The following PRLR variants were observed in gnomAD, a reference collection of about 807,000 sequenced individuals.
PRLR encodes prolactin receptor, also known as hPRL receptor.
A neutral mutation model predicts 40.2 loss-of-function variants in PRLR; 13 were observed. That is an observed-to-expected ratio of 0.32 (90% CI 0.21 to 0.51). The LOEUF is 0.51. PRLR is among the 20% of genes least tolerant of loss of function. The probability of loss-of-function intolerance (pLI) is 0.97; values close to 1 mark genes in which losing one functional copy is unlikely to be tolerated. For synonymous variants in PRLR, 269 were observed against 278.7 expected, an observed-to-expected ratio of 0.97 and a Z score of 0.35; for missense variants, 656 against 747.3, an observed-to-expected ratio of 0.88 and a Z score of 1.42.
At chr5:35,229,072 G>C (rs200890195) in intron 1 of PRLR, among the ~76,000 whole-genome samples, 1 of 150,200 alleles carries the variant, frequency 6.7e-6, no homozygotes, top group East Asian at 1.9e-4. Context: ...CTCCTCTCTT[G>C]CACTATTCAG....
intron 1 of PRLR, among the ~76,000 whole-genome samples, chr5:35,184,482 A>T (rs917366952): frequency 2.6e-5 from 4 of 152,212 alleles, no homozygotes; most frequent in Non-Finnish European, 5.9e-5. Context: ...GAGCCACTGC[A>T]CTCCAGCCTA....
At chr5:35,135,380 C>A (rs747363303) in intron 1 of PRLR, 1 of 152,260 alleles carries the variant, frequency 6.6e-6, no homozygotes, top group Non-Finnish European at 1.5e-5. Flanking sequence ...TCAGCGTGTA[C>A]GCGTTGGCTT....
chr5:35,062,940 T>C lies in PRLR; in HGVS notation c.*2149A>G, dbSNP rs941338860. 27 of 152,244 alleles carry C rather than the reference T, an allele frequency of 1.8e-4. No homozygotes were observed. Among genetic ancestry groups the C allele is most frequent in the African/African-American group, 6.3e-4 (26 of 41,462 alleles). 9.4% of individuals were successfully genotyped at this position (152,244 alleles called of 1,614,324 possible). ...TGATCTGTCCTTTCCAAAAGAGGATTGTTACTATGAACTAAAATAACCTTT... is the reference window on the plus strand; with the variant it reads ...TGATCTGTCCTTTCCAAAAGAGGATCGTTACTATGAACTAAAATAACCTTT... On this transcript the variant is annotated 3_prime_UTR_variant, in exon 10 of 10. Coordinates refer to ENST00000618457, the MANE Select transcript of PRLR (RefSeq NM_000949.7).
At chr5:35,109,503 A>C (rs1022795891) in intron 2 of PRLR, among the ~76,000 whole-genome samples, 1 of 152,148 alleles carries the variant, frequency 6.6e-6, no homozygotes, top group Non-Finnish European at 1.5e-5. Context: ...TCTACAAAGA[A>C]CTTACAAATT....
intron 1 of PRLR, among the ~76,000 whole-genome samples, chr5:35,174,849 G>T (rs1260036689): frequency 6.6e-6 from 1 of 152,174 alleles, no homozygotes; most frequent in African/African-American, 2.4e-5. Flanking sequence ...GTACCACAAA[G>T]CCTGTGAGAC....
At chr5:35,094,007 A>G (rs1771379684) in intron 2 of PRLR, among the ~76,000 whole-genome samples, 1 of 152,246 alleles carries the variant, frequency 6.6e-6, no homozygotes, top group Non-Finnish European at 1.5e-5. Flanking sequence ...TGGTACAACA[A>G]TGAAATCTCT....
At chr5:35,150,127 G>T (rs576630605) in intron 1 of PRLR, among the ~76,000 whole-genome samples, 29 of 152,046 alleles carry the variant, frequency 1.9e-4, no homozygotes, top group Non-Finnish European at 4.0e-4. Context: ...CAGGTGATAC[G>T]CCCACCTTGG....
chr5:35,093,681 C>A (rs913684951), intron 2 of PRLR, among the ~76,000 whole-genome samples: 1 of 152,206 alleles, frequency 6.6e-6, no homozygotes, highest in South Asian at 2.1e-4. Context: ...AACATTTGAA[C>A]TTTAGACTAT....
chr5:35,114,509 G>A (rs7734558), intron 2 of PRLR, among the ~76,000 whole-genome samples: 59,339 of 152,076 alleles, frequency 0.39, 14,281 homozygotes, highest in Non-Finnish European at 0.55. Context: ...AACCCTCCAG[G>A]CTCCTCAGAT....
At chr5:35,199,123 G>A (rs1432282602) in intron 1 of PRLR, among the ~76,000 whole-genome samples, 1 of 152,124 alleles carries the variant, frequency 6.6e-6, no homozygotes, top group Non-Finnish European at 1.5e-5. Flanking sequence ...GCAGTTCTGA[G>A]CTTCTCACCC....
At chr5:35,111,058 C>T (rs1205407962) in intron 2 of PRLR, among the ~76,000 whole-genome samples, 2 of 152,090 alleles carry the variant, frequency 1.3e-5, no homozygotes, top group Admixed American at 6.6e-5. Context: ...ATCTCCCATG[C>T]TTAATGCAAA....
chr5:35,190,407 C>A (rs1775568804), intron 1 of PRLR, among the ~76,000 whole-genome samples: 1 of 152,096 alleles, frequency 6.6e-6, no homozygotes, highest in African/African-American at 2.4e-5. Context: ...GAGTTCAAGA[C>A]CAGCCTGGCC....
At position 35,068,801 on chromosome 5, in the gene PRLR, C is replaced by T. The variant is rs1294838695; in HGVS notation, c.763G>A (p.Ala255Thr). Reference sequence around the variant, plus strand: ...TACCTATAGCCCTTCAAAGCCACTGCCCAGACAATAATCAAACAGATGACA... The same window carrying T: ...TACCTATAGCCCTTCAAAGCCACTGTCCAGACAATAATCAAACAGATGACA... Reference protein sequence around the residue: ...SAVICLIIVWAVALKGYSMVT... With the variant: ...SAVICLIIVWTVALKGYSMVT... The change falls in exon 8 of 10, where the codon GCA becomes ACA. Residue 255 changes from alanine (A) to threonine (T), a missense_variant. Ala to Thr is a moderately conservative substitution (Grantham distance 58). Around this residue, in one of 3 missense-constraint regions of PRLR, gnomAD observed 469 missense variants for 491.5 expected, o/e 0.95. Coordinates refer to ENST00000618457, the MANE Select transcript of PRLR (RefSeq NM_000949.7). 9 of 1,610,212 alleles carry T rather than the reference C, an allele frequency of 5.6e-6. No individual in the cohort carries two copies. Among genetic ancestry groups the T allele is most frequent in the Non-Finnish European group, 6.8e-6 (8 of 1,177,094 alleles).
chr5:35,127,072 C>A (rs73075094), intron 1 of PRLR, among the ~76,000 whole-genome samples: 3,076 of 152,306 alleles, frequency 0.02, 122 homozygotes, highest in African/African-American at 0.071. Context: ...CTAAGACCTG[C>A]AGAACTCCTT....
At chr5:35,105,246 A>G (rs552775621) in intron 2 of PRLR, among the ~76,000 whole-genome samples, 1 of 152,258 alleles carries the variant, frequency 6.6e-6, no homozygotes, top group African/African-American at 2.4e-5. Context: ...GACCAAAGGT[A>G]GATAAAACCA....
intron 1 of PRLR, among the ~76,000 whole-genome samples, chr5:35,152,044 A>T (rs1199162390): frequency 2.6e-5 from 4 of 152,250 alleles, no homozygotes; most frequent in African/African-American, 9.6e-5. Context: ...CAAAGGGTAC[A>T]TAACAAAGTA....
intron 1 of PRLR, among the ~76,000 whole-genome samples, chr5:35,157,159 C>T (rs140839112): frequency 9.7e-4 from 147 of 152,152 alleles, no homozygotes; most frequent in East Asian, 4.9e-3. Flanking sequence ...TACATCAACA[C>T]GAGGCTATTC....
chr5:35,120,943 T>C (rs1773268295), intron 1 of PRLR, among the ~76,000 whole-genome samples: 1 of 152,232 alleles, frequency 6.6e-6, no homozygotes, highest in Non-Finnish European at 1.5e-5. Flanking sequence ...AACATGTACA[T>C]GAATAAGCTT....
At chr5:35,080,431 C>T (rs574658053) in intron 5 of PRLR, among the ~76,000 whole-genome samples, 17 of 152,250 alleles carry the variant, frequency 1.1e-4, no homozygotes, top group South Asian at 2.1e-4. Flanking sequence ...CCAACAGACA[C>T]GTGAAAAAAT....
Sources: allele counts gnomAD v4.1 joint callset (sites outside exome capture counted in the v4.1 genomes callset), GRCh38; gene constraint gnomAD v4.1.1; regional missense constraint gnomAD v4.1.1; transcripts MANE v1.5; gene names NCBI Gene and HGNC (gene_info 2026-07-23, HGNC 2026-07-21).